Variants in TTC28 observed in about 807,000 individuals in gnomAD.
TTC28 encodes tetratricopeptide repeat domain 28.
In TTC28, 61 loss-of-function variants were observed where a neutral mutation model predicts 198.0. The observed-to-expected ratio is 0.31, with a 90% CI of 0.25 to 0.38. TTC28 has a LOEUF of 0.38. Ranked by LOEUF, TTC28 falls within the 10% of genes least tolerant of loss-of-function variation. The probability of loss-of-function intolerance (pLI) is 1.00; values close to 1 mark genes in which losing one functional copy is unlikely to be tolerated. For missense variants in TTC28, 2,678 were observed against 3,164.0 expected (o/e 0.85, Z 3.69); for synonymous variants, 1,171 against 1,297.8 (o/e 0.90, Z 2.10).
intron 12 of TTC28, among the ~76,000 whole-genome samples, chr22:28,031,368 T>A (rs1939069080): frequency 6.6e-6 from 1 of 152,138 alleles, no homozygotes; most frequent in African/African-American, 2.4e-5. Context: ...CGCCCCCAGA[T>A]AACTCTAAGC....
intron 12 of TTC28, among the ~76,000 whole-genome samples, chr22:28,037,924 T>C (rs1939435716): frequency 1.3e-5 from 2 of 152,102 alleles, no homozygotes; most frequent in Non-Finnish European, 2.9e-5. Context: ...CGCGATTGCT[T>C]CAAAGAGAAT....
In TTC28 at chr22:28,169,972, T is replaced by G. The variant is rs182603106; in HGVS notation, c.934-6373A>C. On this transcript the variant is annotated intron_variant, in intron 5 of 22. Transcript: ENST00000397906. ...GTTGCTAATCGTACTTCTATCAGTT[T>G]TCCACAGACCTACGCAGAATTGATA... is the stretch of plus-strand genomic sequence containing the variant. Among the ~76,000 whole-genome samples the G allele has an allele frequency of 5.8e-4, 88 of 152,266 alleles. No individual in the cohort carries two copies. In the South Asian group the frequency reaches 0.013, roughly 22 times the overall value.
intron 5 of TTC28, among the ~76,000 whole-genome samples, chr22:28,176,443 G>A (rs1417037222): frequency 6.6e-6 from 1 of 152,124 alleles, no homozygotes. Flanking sequence ...ATTCTGAGGG[G>A]TTGGTTAAAA....
At chr22:28,046,272 ACAT>A (rs1939858121) in intron 12 of TTC28, among the ~76,000 whole-genome samples, 1 of 152,238 alleles carries the variant, frequency 6.6e-6, no homozygotes, top group South Asian at 2.1e-4. Context: ...TCTGAGAAAC[ACAT>A]CATTAGGCAA....
At chr22:28,126,112 G>A (rs1004362764) in intron 6 of TTC28, among the ~76,000 whole-genome samples, 2 of 152,174 alleles carry the variant, frequency 1.3e-5, no homozygotes, top group Non-Finnish European at 2.9e-5. Context: ...AGGACTAAAA[G>A]AGAATGAATT....
intron 2 of TTC28, among the ~76,000 whole-genome samples, chr22:28,417,205 A>G (rs550718284): frequency 2.0e-5 from 3 of 149,720 alleles, no homozygotes; most frequent in East Asian, 2.1e-4. Context: ...CCTAGGCAAG[A>G]GTAATCCCAA....
At position 28,660,585 on chromosome 22, in the gene TTC28, C is replaced by T. The variant is rs186936737; in HGVS notation, c.102+19037G>A. ...TGTCACTCAGACTGGAGTACAGTGGCGCTATTCGGCTCACTGCAACCTCCA... is the reference window on the plus strand; with the variant it reads ...TGTCACTCAGACTGGAGTACAGTGGTGCTATTCGGCTCACTGCAACCTCCA... On this transcript the variant is annotated intron_variant, in intron 1 of 22. Transcript: ENST00000397906. Among the ~76,000 whole-genome samples, 7 of 151,836 alleles carry T rather than the reference C, an allele frequency of 4.6e-5. No individual in the cohort carries two copies. The East Asian group carries it at 5.8e-4, about 13-fold the overall frequency.
chr22:28,077,033 C>G (rs1941191888), intron 12 of TTC28, among the ~76,000 whole-genome samples: 1 of 152,132 alleles, frequency 6.6e-6, no homozygotes, highest in Non-Finnish European at 1.5e-5. Flanking sequence ...TTAGAATTTA[C>G]TTTTTCACTT....
intron 5 of TTC28, among the ~76,000 whole-genome samples, chr22:28,222,063 C>T (rs1046068167): frequency 2.0e-5 from 3 of 152,202 alleles, no homozygotes; most frequent in African/African-American, 4.8e-5. Flanking sequence ...CCTCCATTTC[C>T]GCCTGCTATA....
At chr22:28,185,466 C>T (rs765420572) in intron 5 of TTC28, among the ~76,000 whole-genome samples, 20 of 152,084 alleles carry the variant, frequency 1.3e-4, no homozygotes, top group Non-Finnish European at 2.1e-4. Context: ...ATTAATACAA[C>T]ACAAATTCTT....
At chr22:28,243,174 CAAAAAAAAAAAAAAAAAA>C (rs754700795) in intron 5 of TTC28, among the ~76,000 whole-genome samples, 3,122 of 68,286 alleles carry the variant, frequency 0.046, 123 homozygotes, top group Admixed American at 0.054. Flanking sequence ...CCCCTCTCTA[CAAAAAAAAAAAAAAAAAA>C]AAAAAAAAAA....
intron 2 of TTC28, among the ~76,000 whole-genome samples, chr22:28,373,581 G>C (rs1417284627): frequency 6.6e-6 from 1 of 152,142 alleles, no homozygotes; most frequent in Non-Finnish European, 1.5e-5. Flanking sequence ...ATTTAATGTA[G>C]ATTTATCATC....
intron 6 of TTC28, 62 bp downstream of exon 6, chr22:28,163,030 T>C (rs1921413231): frequency 2.7e-6 from 4 of 1,460,794 alleles, no homozygotes; most frequent in Non-Finnish European, 1.8e-6. Flanking sequence ...GATAGTGATC[T>C]ACTCCAGCTA....
intron 2 of TTC28, among the ~76,000 whole-genome samples, chr22:28,517,568 T>G (rs942752186): frequency 1.3e-5 from 2 of 152,188 alleles, no homozygotes; most frequent in Non-Finnish European, 2.9e-5. Flanking sequence ...GACAGAATTA[T>G]GGCCAGCGAA....
Position 28,295,930 on chromosome 22 carries a change from G to A in TTC28, c.933+268C>T, listed in dbSNP as rs572324880. On this transcript the variant is annotated intron_variant, in intron 5 of 22. Coordinates refer to ENST00000397906, the MANE Select transcript of TTC28 (RefSeq NM_001145418.2). ...ATTTTACATAAACTTATGCACATTTGAAGATAATAAGAACAATGCATCTGA... is the reference window on the plus strand; with the variant it reads ...ATTTTACATAAACTTATGCACATTTAAAGATAATAAGAACAATGCATCTGA... Among the ~76,000 whole-genome samples, 189 of 152,214 alleles carry A rather than the reference G, an allele frequency of 1.2e-3. 1 individual carries two copies. The highest frequency in any genetic ancestry group is 2.4e-3 in the Admixed American group (37 of 15,288).
At chr22:28,598,509 C>A (rs1313092641) in intron 2 of TTC28, among the ~76,000 whole-genome samples, 20 of 52,682 alleles carry the variant, frequency 3.8e-4, no homozygotes, top group East Asian at 1.9e-3. Flanking sequence ...ACTACGTCTC[C>A]AAAAAAAAAA....
At chr22:28,305,533 T>C (rs530753434) in intron 3 of TTC28, among the ~76,000 whole-genome samples, 2 of 152,198 alleles carry the variant, frequency 1.3e-5, no homozygotes, top group Non-Finnish European at 2.9e-5. Flanking sequence ...ATTAAAAATA[T>C]CTAAGGCTGC....
At chr22:28,098,354 A>C (rs923492948) in intron 10 of TTC28, among the ~76,000 whole-genome samples, 6 of 152,208 alleles carry the variant, frequency 3.9e-5, no homozygotes, top group African/African-American at 1.4e-4. Context: ...CTAGGGAGGG[A>C]ACCTGGTTCA....
chr22:28,203,934 C>T lies in TTC28; in HGVS notation c.934-40335G>A, dbSNP rs1926184805. On this transcript the variant is annotated intron_variant, in intron 5 of 22. Coordinates refer to ENST00000397906, the MANE Select transcript of TTC28 (RefSeq NM_001145418.2). ...GTTATTGTTATGTTAAAAACGAAAA[C>T]ACAAAAAAGCAAAAGAAAATATGTT... Among the ~76,000 whole-genome samples the T allele has an allele frequency of 2.6e-5, 4 of 152,184 alleles. No individual in the cohort carries two copies. The South Asian group carries it at 8.3e-4, about 32-fold the overall frequency.
Sources: allele counts gnomAD v4.1 joint callset (sites outside exome capture counted in the v4.1 genomes callset), GRCh38; gene constraint gnomAD v4.1.1; transcripts MANE v1.5; gene names NCBI Gene and HGNC (gene_info 2026-07-23, HGNC 2026-07-21).